Variants in TUSC3 observed in about 807,000 individuals in gnomAD.
TUSC3 encodes dolichyl-diphosphooligosaccharide--protein glycosyltransferase subunit TUSC3.
In TUSC3, 45 loss-of-function variants were observed where a neutral mutation model predicts 44.8. That is an observed-to-expected ratio of 1.00 (90% CI 0.79 to 1.29). The LOEUF is 1.29. Ranked by LOEUF, TUSC3 falls within the 50% of genes most tolerant of loss-of-function variation. The probability of loss-of-function intolerance (pLI) is 0.00; values close to 1 mark genes in which losing one functional copy is unlikely to be tolerated. For synonymous variants in TUSC3, 212 were observed against 152.9 expected (o/e 1.39, Z -2.85); for missense variants, 519 against 437.9 (o/e 1.19, Z -1.65).
In TUSC3 at chr8:15,645,077, A is replaced by T. The variant is rs1327354655; in HGVS notation, c.309-5620A>T. On this transcript the variant is annotated intron_variant, in intron 2 of 10. Coordinates refer to ENST00000503731, the MANE Select transcript of TUSC3 (RefSeq NM_006765.4). ...TAGTCTCATATGTTTTCCCAGCCAG[A>T]CCATTAGAGTAACATTGAAAGTGGG... is the stretch of plus-strand genomic sequence containing the variant. Among the ~76,000 whole-genome samples the T allele has an allele frequency of 3.9e-5, 6 of 152,144 alleles. 1 individual carries two copies.
chr8:15,808,278 T>C, the TUSC3 span, among the ~76,000 whole-genome samples: 1 of 152,110 alleles, frequency 6.6e-6, no homozygotes, highest in Non-Finnish European at 1.5e-5. Context: ...ATATTGGTTA[T>C]TATTTTAATA....
intron 10 of TUSC3, 62 bp from the exon 11 acceptor site, chr8:15,764,141 A>G (rs1812259514): frequency 7.0e-7 from 1 of 1,421,440 alleles, no homozygotes; most frequent in Admixed American, 1.7e-5. Context: ...ATGGAATAAC[A>G]AACATATTGT....
At chr8:15,478,542 C>A (rs559127814) in intron 1 of TUSC3, among the ~76,000 whole-genome samples, 1 of 152,146 alleles carries the variant, frequency 6.6e-6, no homozygotes, top group African/African-American at 2.4e-5. Flanking sequence ...GTTTTCTGTT[C>A]CTGTGTTAGT....
At chr8:15,728,755 G>A (rs1165509463) in intron 6 of TUSC3, among the ~76,000 whole-genome samples, 1 of 152,124 alleles carries the variant, frequency 6.6e-6, no homozygotes, top group African/African-American at 2.4e-5. Context: ...ACCTGGGAAG[G>A]CTGAGTAGAG....
chr8:15,815,019 T>G, the TUSC3 span, among the ~76,000 whole-genome samples: 1 of 152,100 alleles, frequency 6.6e-6, no homozygotes, highest in African/African-American at 2.4e-5. Flanking sequence ...AGACACAAAT[T>G]AAATGTTTTT....
chr8:15,466,125 C>T (rs1800410197), intron 1 of TUSC3, among the ~76,000 whole-genome samples: 1 of 152,114 alleles, frequency 6.6e-6, no homozygotes, highest in Non-Finnish European at 1.5e-5. Context: ...TTTACTGAAA[C>T]AAACTGTAAT....
At chr8:15,582,129 C>T (rs553145652) in intron 1 of TUSC3, among the ~76,000 whole-genome samples, 80 of 152,340 alleles carry the variant, frequency 5.3e-4, no homozygotes, top group African/African-American at 1.7e-3. Context: ...TGACCCCTTG[C>T]GCTTCCCAAG....
chr8:15,843,925 G>T, the TUSC3 span, among the ~76,000 whole-genome samples: 1 of 152,028 alleles, frequency 6.6e-6, no homozygotes, highest in Non-Finnish European at 1.5e-5. Context: ...TGTATTTGTA[G>T]CATTTGTGTT....
intron 1 of TUSC3, among the ~76,000 whole-genome samples, chr8:15,620,409 C>G (rs1380960716): frequency 6.6e-6 from 1 of 152,016 alleles, no homozygotes; most frequent in Non-Finnish European, 1.5e-5. Context: ...CTACATTTTT[C>G]AAGATGTGAT....
chr8:15,595,415 C>G (rs546364202), intron 1 of TUSC3, among the ~76,000 whole-genome samples: 1 of 152,222 alleles, frequency 6.6e-6, no homozygotes, highest in East Asian at 1.9e-4. Context: ...TGGTCTCTGC[C>G]TGTACTCTCC....
Position 15,569,825 on chromosome 8 carries a change from G to T in TUSC3, c.138+29257G>T, listed in dbSNP as rs904492631. On this transcript the variant is annotated intron_variant, in intron 1 of 10. Transcript: ENST00000503731. ...TTCAAATACCGTGTCACACTCTTGTGTATGATTTGTAATCCATTTAGTGCG... is the reference window on the plus strand; with the variant it reads ...TTCAAATACCGTGTCACACTCTTGTTTATGATTTGTAATCCATTTAGTGCG... 2.0e-5 allele frequency among the ~76,000 whole-genome samples: 3 copies of T among 152,038 alleles called. No individual in the cohort carries two copies. The South Asian group carries it at 6.2e-4, about 32-fold the overall frequency.
intron 5 of TUSC3, among the ~76,000 whole-genome samples, chr8:15,669,448 T>G (rs1198782965): frequency 6.6e-6 from 1 of 151,732 alleles, no homozygotes; most frequent in Non-Finnish European, 1.5e-5. Flanking sequence ...AATAGAAAAC[T>G]GATAGGCCAG....
the TUSC3 span, among the ~76,000 whole-genome samples, chr8:15,845,194 G>GT: frequency 1.3e-5 from 2 of 152,140 alleles, no homozygotes; most frequent in African/African-American, 4.8e-5. Flanking sequence ...CGTTGCTGTA[G>GT]TTTGAGTGGT....
intron 10 of TUSC3, among the ~76,000 whole-genome samples, chr8:15,760,013 T>TCTGA (rs1345842129): frequency 6.6e-6 from 1 of 152,172 alleles, no homozygotes; most frequent in South Asian, 2.1e-4. Context: ...TGTGTCTTTT[T>TCTGA]CTGACTATAA....
chr8:15,601,411 G>A (rs966739103), intron 1 of TUSC3, among the ~76,000 whole-genome samples: 6 of 151,614 alleles, frequency 4.0e-5, no homozygotes, highest in Admixed American at 6.6e-5. Context: ...GAGAGATCCA[G>A]GCACACTGAA....
chr8:15,794,230 C>G, the TUSC3 span, among the ~76,000 whole-genome samples: 1 of 152,164 alleles, frequency 6.6e-6, no homozygotes, highest in Admixed American at 6.5e-5. Flanking sequence ...TTTTTTGACT[C>G]TGACTCATCC....
At chr8:15,536,866 A>G (rs9969636), upstream of TUSC3, among the ~76,000 whole-genome samples, 1,476 of 152,154 alleles carry the variant, frequency 9.7e-3, 16 homozygotes, top group Middle Eastern at 0.031. Context: ...CCTACAAACC[A>G]TAAATTCTCA....
At chr8:15,687,546 C>A (rs1808690160) in intron 6 of TUSC3, among the ~76,000 whole-genome samples, 1 of 152,128 alleles carries the variant, frequency 6.6e-6, no homozygotes, top group Non-Finnish European at 1.5e-5. Context: ...TTCCTTCTTT[C>A]CACCTGGTTT....
intron 1 of TUSC3, among the ~76,000 whole-genome samples, chr8:15,457,998 T>A (rs1174237119): frequency 6.6e-6 from 1 of 151,890 alleles, no homozygotes; most frequent in Admixed American, 6.6e-5. Flanking sequence ...TGCAACATAA[T>A]GTACTTTGTA....
Sources: gnomAD v4.1 joint callset for allele counts (sites outside exome capture counted in the v4.1 genomes callset) on GRCh38, gnomAD v4.1.1 for gene constraint, MANE v1.5 for transcripts, NCBI Gene and HGNC (gene_info 2026-07-23, HGNC 2026-07-21) for gene names.